The following CHCHD3 variants were observed in gnomAD, a reference collection of about 807,000 sequenced individuals.
CHCHD3 encodes the protein MICOS complex subunit MIC19.
CHCHD3 carries 20 observed loss-of-function variants against 38.2 expected under a neutral mutation model. The ratio of observed to expected loss-of-function variants is 0.52; its 90% CI spans 0.37 to 0.76. The LOEUF is 0.76. CHCHD3 is among the 30% of genes least tolerant of loss of function. The pLI is 0.00. For missense variants in CHCHD3, 245 were observed against 279.2 expected (o/e 0.88, Z 0.87); for synonymous variants, 82 against 100.0 (o/e 0.82, Z 1.07).
intron 5 of CHCHD3, among the ~76,000 whole-genome samples, chr7:132,885,418 G>C (rs965750723): frequency 9.9e-5 from 15 of 152,132 alleles, no homozygotes; most frequent in Non-Finnish European, 2.1e-4. Flanking sequence ...TATAAGAAAA[G>C]TATTTGCGGT....
intron 3 of CHCHD3, among the ~76,000 whole-genome samples, chr7:132,988,102 T>G (rs2117363919): frequency 6.6e-6 from 1 of 152,252 alleles, no homozygotes; most frequent in Middle Eastern, 3.4e-3. Context: ...GTTCAGTTTT[T>G]AGGGAGCCAA....
chr7:132,797,025 T>C (rs1806636223), intron 6 of CHCHD3, among the ~76,000 whole-genome samples: 2 of 152,138 alleles, frequency 1.3e-5, no homozygotes, highest in Non-Finnish European at 2.9e-5. Flanking sequence ...CCAGCTGGTC[T>C]CTCAGCTTTG....
chr7:132,897,125 A>G (rs1809521061), intron 4 of CHCHD3, among the ~76,000 whole-genome samples: 1 of 152,206 alleles, frequency 6.6e-6, no homozygotes, highest in African/African-American at 2.4e-5. Context: ...ATACTCAAAT[A>G]TCTCTATCTT....
intron 3 of CHCHD3, among the ~76,000 whole-genome samples, chr7:133,011,441 C>T (rs1285894158): frequency 1.3e-5 from 2 of 152,126 alleles, no homozygotes; most frequent in Non-Finnish European, 2.9e-5. Flanking sequence ...TTCTCGGCCT[C>T]GGAGCTATAT....
chr7:132,996,834 G>A (rs141228488), intron 3 of CHCHD3, among the ~76,000 whole-genome samples: 4 of 152,272 alleles, frequency 2.6e-5, no homozygotes, highest in South Asian at 2.1e-4. Flanking sequence ...GGGGTGGGAC[G>A]CAAAGCAAGG....
intron 6 of CHCHD3, among the ~76,000 whole-genome samples, chr7:132,820,629 T>TA (rs1807346009): frequency 6.6e-6 from 1 of 150,610 alleles, no homozygotes; most frequent in African/African-American, 2.4e-5. Context: ...TTTTTTTTTT[T>TA]TTTTTTTATT....
At chr7:132,975,106 C>A in intron 4 of CHCHD3, 63 bp downstream of exon 4, 2 of 1,264,432 alleles carry the variant, frequency 1.6e-6, no homozygotes, top group Non-Finnish European at 2.3e-6. Context: ...GTACTTAGCT[C>A]TTCCCAAACA....
At chr7:132,961,303 G>A (rs1811313283) in intron 4 of CHCHD3, among the ~76,000 whole-genome samples, 1 of 152,114 alleles carries the variant, frequency 6.6e-6, no homozygotes. Flanking sequence ...AAGTTTTAAT[G>A]AGTTGAAGAA....
intron 4 of CHCHD3, among the ~76,000 whole-genome samples, chr7:132,953,730 C>A (rs533028284): frequency 1.7e-4 from 26 of 152,292 alleles, no homozygotes; most frequent in African/African-American, 6.3e-4. Flanking sequence ...CTGCCTCTCC[C>A]ACCCCAAGGA....
chr7:132,882,331 G>A (rs910229990), intron 5 of CHCHD3, among the ~76,000 whole-genome samples: 3 of 151,970 alleles, frequency 2.0e-5, no homozygotes, highest in Admixed American at 6.6e-5. Flanking sequence ...TGGAGTTATC[G>A]AGTATTAAGT....
intron 2 of CHCHD3, among the ~76,000 whole-genome samples, chr7:133,063,638 C>G (rs10254836): frequency 6.6e-6 from 1 of 151,900 alleles, no homozygotes; most frequent in African/African-American, 2.4e-5. Context: ...TCTTACCACT[C>G]GGATTTGTTT....
At chr7:132,864,344 C>T (rs371219618) in intron 5 of CHCHD3, among the ~76,000 whole-genome samples, 58 of 152,208 alleles carry the variant, frequency 3.8e-4, no homozygotes, top group African/African-American at 1.2e-3. Context: ...AGAACACACA[C>T]GTAACAGTTA....
chr7:132,986,367 CT>C (rs1232298484), intron 3 of CHCHD3, among the ~76,000 whole-genome samples: 1 of 146,860 alleles, frequency 6.8e-6, no homozygotes. Context: ...CCAAATCCCC[CT>C]CTGCGAGAAA....
intron 4 of CHCHD3, among the ~76,000 whole-genome samples, chr7:132,926,613 C>T (rs1260864884): frequency 1.3e-5 from 2 of 152,180 alleles, no homozygotes; most frequent in East Asian, 1.9e-4. Flanking sequence ...TATAGTCATC[C>T]CCTGGTATCT....
chr7:132,967,735 T>C (rs1811507268), intron 4 of CHCHD3, among the ~76,000 whole-genome samples: 1 of 149,880 alleles, frequency 6.7e-6, no homozygotes, highest in Admixed American at 6.7e-5. Context: ...GAGGTTGAGG[T>C]GGGAGGATCA....
rs1562929105 is a variant in CHCHD3, at chr7:132,984,051, T to TCTCCCTCTCCCCAC, written c.252-8766_252-8765insGTGGGGAGAGGGAG. 7.0e-3 allele frequency among the ~76,000 whole-genome samples: 648 copies of TCTCCCTCTCCCCAC among 92,286 alleles called. 46 individuals are homozygous for TCTCCCTCTCCCCAC. Among genetic ancestry groups the TCTCCCTCTCCCCAC allele is most frequent in the African/African-American group, 0.018 (503 of 27,400 alleles). The allele number at this position is 92,286 out of a possible 152,430, so 60.5% of individuals were successfully genotyped here. A position where few individuals can be genotyped will look rare whatever the true frequency, so the allele number is the denominator to read the frequency against. On this transcript the variant is annotated intron_variant, in intron 3 of 7. Coordinates refer to ENST00000262570, the MANE Select transcript of CHCHD3 (RefSeq NM_017812.4). ...TCTCCCCACGGTCTCCCTCTCCCCA[T>TCTCCCTCTCCCCAC]GGTCTCCCTCTCCCCACGGTCTCCC...
intron 7 of CHCHD3, among the ~76,000 whole-genome samples, chr7:132,796,134 T>C (rs2241439): frequency 6.6e-6 from 1 of 151,942 alleles, no homozygotes; most frequent in African/African-American, 2.4e-5. Context: ...CCTAAAAGTA[T>C]GAGGAATGAC....
chr7:133,008,369 G>A (rs1387705258), intron 3 of CHCHD3, among the ~76,000 whole-genome samples: 18 of 141,466 alleles, frequency 1.3e-4, no homozygotes, highest in African/African-American at 1.3e-4. Context: ...TTTAAGAGAA[G>A]AAAAAAAAAA....
chr7:132,997,403 T>C (rs1812448005), intron 3 of CHCHD3, among the ~76,000 whole-genome samples: 1 of 152,106 alleles, frequency 6.6e-6, no homozygotes, highest in South Asian at 2.1e-4. Context: ...TAATCAGTAT[T>C]TCACCTACTT....
Sources: gnomAD v4.1 joint callset for allele counts (sites outside exome capture counted in the v4.1 genomes callset) on GRCh38, gnomAD v4.1.1 for gene constraint, MANE v1.5 for transcripts, NCBI Gene and HGNC (gene_info 2026-07-23, HGNC 2026-07-21) for gene names.